ARHGAP20: variants seen among roughly 807,000 people sequenced by gnomAD.
ARHGAP20 encodes rho GTPase-activating protein 20.
A neutral mutation model predicts 73.7 loss-of-function variants in ARHGAP20; 34 were observed. That is an observed-to-expected ratio of 0.46 (90% CI 0.35 to 0.61). ARHGAP20 has a LOEUF of 0.61. ARHGAP20 is among the 20% of genes least tolerant of loss of function. The pLI, the probability that ARHGAP20 is intolerant of heterozygous loss-of-function variation, is 0.00. For missense variants in ARHGAP20, 1,314 were observed against 1,420.9 expected, an observed-to-expected ratio of 0.92 and a Z score of 1.21; for synonymous variants, 523 against 518.2, an observed-to-expected ratio of 1.01 and a Z score of -0.13.
chr11:110,634,856 A>G (rs1454776884), intron 2 of ARHGAP20, among the ~76,000 whole-genome samples: 1 of 152,134 alleles, frequency 6.6e-6, no homozygotes, highest in African/African-American at 2.4e-5. Flanking sequence ...GTAGTTAAGC[A>G]TATTTGAGAG....
chr11:110,598,919 T>G (rs145289651), intron 9 of ARHGAP20, among the ~76,000 whole-genome samples: 45 of 150,408 alleles, frequency 3.0e-4, no homozygotes, highest in Middle Eastern at 3.4e-3. Context: ...GGTGCAGCCA[T>G]CTGAGTTGTG....
At position 110,668,483 on chromosome 11, in the gene ARHGAP20, C is replaced by CA. The variant is rs1428507381; in HGVS notation, c.188+22063dup. Among the ~76,000 whole-genome samples the CA allele has an allele frequency of 6.6e-5, 10 of 151,834 alleles. No individual in the cohort carries two copies. The South Asian group carries it at 1.7e-3, about 25-fold the overall frequency. On this transcript the variant is annotated intron_variant, in intron 2 of 14. Coordinates refer to ENST00000683387, the MANE Select transcript of ARHGAP20 (RefSeq NM_001384657.1). ...GGGCAACATGGCAAAACTGTTACTA[C>CA]AAAAAATAAGAAAAAATTAGCTTGG... is the stretch of plus-strand genomic sequence containing the variant.
chr11:110,581,759 CAA>C (rs1294251691), intron 14 of ARHGAP20, among the ~76,000 whole-genome samples: 3 of 151,898 alleles, frequency 2.0e-5, no homozygotes, highest in Non-Finnish European at 4.4e-5. Flanking sequence ...AATAATTGGC[CAA>C]AGATAACATA....
intron 2 of ARHGAP20, among the ~76,000 whole-genome samples, chr11:110,664,349 CATATAT>C (rs113832520): frequency 1.3e-5 from 2 of 151,402 alleles, no homozygotes; most frequent in Admixed American, 6.6e-5. Context: ...GGATATAAGA[CATATAT>C]ATATATACAC....
chr11:110,625,720 C>T (rs1250474081), intron 3 of ARHGAP20, among the ~76,000 whole-genome samples: 2 of 152,098 alleles, frequency 1.3e-5, no homozygotes, highest in African/African-American at 4.8e-5. Flanking sequence ...ATCTCTTGAC[C>T]TAATTGTCAG....
In ARHGAP20 at chr11:110,579,645, G is replaced by C; in HGVS notation, c.3301C>G (p.Leu1101Val). The C allele has an allele frequency of 6.2e-7, 1 of 1,614,244 alleles. No homozygotes were observed. The part of the protein sequence containing the change: ...KDLPLRAAEG[L>V]SPVQSAQRCS... ...CTTTGGGCTGACTGCACAGGGGACA[G>C]TCCTTCAGCTGCCCTTAAGGGCAAG... The change falls in exon 15 of 15, where the codon CTG (leucine) becomes GTG (valine). Residue 1101 changes from leucine to valine, a missense_variant. This residue lies in a region of ARHGAP20 where 641 missense variants were observed against 636.9 expected (regional missense o/e 1.01). Transcript: ENST00000683387.
chr11:110,711,933 G>A, intron 1 of ARHGAP20, 194 bp downstream of exon 1: 1 of 1,254,050 alleles, frequency 8.0e-7, no homozygotes, highest in Non-Finnish European at 1.0e-6. Flanking sequence ...CGGGCGCTCT[G>A]CGGGAGGCGG....
At chr11:110,659,694 CA>C (rs1949555033) in intron 2 of ARHGAP20, among the ~76,000 whole-genome samples, 5 of 152,058 alleles carry the variant, frequency 3.3e-5, no homozygotes, top group Admixed American at 2.0e-4. Flanking sequence ...GAAAATGTGG[CA>C]CATATACACC....
Position 110,614,686 on chromosome 11 carries a change from G to C in ARHGAP20, c.546-41C>G. 4 of 1,323,394 alleles carry C rather than the reference G, an allele frequency of 3.0e-6. No individual in the cohort carries two copies. In the Admixed American group the frequency reaches 8.7e-5, roughly 29 times the overall value. 82.0% of individuals were successfully genotyped at this position (1,323,394 alleles called of 1,614,324 possible). Reference sequence around the variant, plus strand: ...AGCAACCCAAAACAACACTGAGTCAGATGGAATTCGCTAATGGCTTATTTT... The same window carrying C: ...AGCAACCCAAAACAACACTGAGTCACATGGAATTCGCTAATGGCTTATTTT... On this transcript the variant is annotated intron_variant, in intron 5 of 14. Transcript: ENST00000683387.
At chr11:110,615,527 T>C (rs1948464400) in intron 5 of ARHGAP20, 26 bp downstream of exon 5, 1 of 1,597,426 alleles carries the variant, frequency 6.3e-7, no homozygotes, top group Admixed American at 1.7e-5. Flanking sequence ...GGTTAAAGAT[T>C]AAAAATATGA....
chr11:110,621,439 T>TA (rs1238189944), intron 4 of ARHGAP20, among the ~76,000 whole-genome samples: 3 of 145,528 alleles, frequency 2.1e-5, no homozygotes, highest in African/African-American at 7.6e-5. Context: ...ATTTTTCCTT[T>TA]AAAAAATCTT....
At position 110,663,589 on chromosome 11, in the gene ARHGAP20, T is replaced by C. The variant is rs544773886; in HGVS notation, c.188+26958A>G. Among the ~76,000 whole-genome samples, 11 of 152,140 alleles carry C rather than the reference T, an allele frequency of 7.2e-5. 1 individual carries two copies. Among genetic ancestry groups the C allele is most frequent in the African/African-American group, 2.4e-4 (10 of 41,564 alleles). On this transcript the variant is annotated intron_variant, in intron 2 of 14. Coordinates refer to ENST00000683387, the MANE Select transcript of ARHGAP20 (RefSeq NM_001384657.1). ...AGTATTATTAAGGAAATTGAATATT[T>C]AGTTAAAGCCTTCCCACAAAACAAA...
intron 6 of ARHGAP20, among the ~76,000 whole-genome samples, chr11:110,611,863 G>T (rs529270882): frequency 6.6e-6 from 1 of 152,222 alleles, no homozygotes; most frequent in Admixed American, 6.5e-5. Flanking sequence ...GGTAAAATCA[G>T]GATAATAACT....
chr11:110,681,170 G>C (rs1950030080), intron 2 of ARHGAP20, among the ~76,000 whole-genome samples: 1 of 152,158 alleles, frequency 6.6e-6, no homozygotes, highest in Non-Finnish European at 1.5e-5. Context: ...ATGCAAGACA[G>C]CACATGGAAC....
chr11:110,626,744 T>C (rs756186541), intron 3 of ARHGAP20, among the ~76,000 whole-genome samples: 6 of 152,146 alleles, frequency 3.9e-5, no homozygotes, highest in Non-Finnish European at 8.8e-5. Context: ...CTTTTTTTTT[T>C]TAATCTCTCC....
At chr11:110,627,793 A>G (rs1467990980) in intron 3 of ARHGAP20, among the ~76,000 whole-genome samples, 1 of 152,206 alleles carries the variant, frequency 6.6e-6, no homozygotes, top group East Asian at 1.9e-4. Context: ...ATCAGAGAGA[A>G]TATTAACTTC....
intron 2 of ARHGAP20, among the ~76,000 whole-genome samples, chr11:110,674,328 C>T (rs1030636884): frequency 1.3e-5 from 2 of 152,146 alleles, no homozygotes; most frequent in African/African-American, 4.8e-5. Flanking sequence ...TAGAACCTGG[C>T]ACCTGGTAAG....
intron 12 of ARHGAP20, among the ~76,000 whole-genome samples, chr11:110,584,939 GTATATGAATATATGAATA>G (rs1400275254): frequency 8.7e-6 from 1 of 115,366 alleles, no homozygotes; most frequent in African/African-American, 3.0e-5. Flanking sequence ...GAATATATGT[GTATATGAATATATGAATA>G]TATGTGAATA....
chr11:110,712,020 T>C, intron 1 of ARHGAP20, 107 bp downstream of exon 1: 1 of 1,238,154 alleles, frequency 8.1e-7, no homozygotes, highest in East Asian at 3.2e-5. Flanking sequence ...GAGCGTCAAA[T>C]TCCCGCGGCG....
Sources: gnomAD v4.1 joint callset for allele counts (sites outside exome capture counted in the v4.1 genomes callset) on GRCh38, gnomAD v4.1.1 for gene constraint, gnomAD v4.1.1 regional missense constraint, MANE v1.5 for transcripts, NCBI Gene and HGNC (gene_info 2026-07-23, HGNC 2026-07-21) for gene names.